KCNB2: variants seen among roughly 807,000 people sequenced by gnomAD.
KCNB2 encodes delayed rectifier potassium channel protein.
Under a neutral mutation model 61.5 loss-of-function variants are expected in KCNB2, and 15 were observed. That is an observed-to-expected ratio of 0.24 (90% CI 0.16 to 0.38). KCNB2 has a LOEUF of 0.38. Among genes scored for constraint, KCNB2 ranks in the 10% least tolerant of loss-of-function variants. The pLI is 1.00. For synonymous variants in KCNB2, 457 were observed against 446.0 expected, an observed-to-expected ratio of 1.02 and a Z score of -0.31; for missense variants, 828 against 1,125.2, an observed-to-expected ratio of 0.74 and a Z score of 3.78.
chr8:72,801,139 G>A (rs757490857), intron 2 of KCNB2, among the ~76,000 whole-genome samples: 2 of 152,144 alleles, frequency 1.3e-5, no homozygotes, highest in African/African-American at 4.8e-5. Flanking sequence ...TTGAGAGGAT[G>A]GGGGCAACAC....
In KCNB2 at chr8:72,833,139, A is replaced by G. The variant is rs1809726199; in HGVS notation, c.580-102796A>G. On this transcript the variant is annotated intron_variant, in intron 2 of 2. Transcript: ENST00000523207. The stretch of plus-strand genomic sequence containing the variant: ...GCTAGAATCAAGAGCATTGAAGGTA[A>G]CGTTGGTTTTGGAAAGCAGAAGGAA... Among the ~76,000 whole-genome samples, 2 of 152,232 alleles carry G rather than the reference A, an allele frequency of 1.3e-5. 1 individual carries two copies. Among genetic ancestry groups the G allele is most frequent in the South Asian group, 4.1e-4 (2 of 4,834 alleles).
At chr8:72,732,594 A>G (rs1374244790) in intron 2 of KCNB2, among the ~76,000 whole-genome samples, 1 of 152,256 alleles carries the variant, frequency 6.6e-6, no homozygotes, top group Non-Finnish European at 1.5e-5. Flanking sequence ...GAAAGTACTT[A>G]GAAGCACCTA....
intron 2 of KCNB2, among the ~76,000 whole-genome samples, chr8:72,799,609 T>C (rs1563388766): frequency 6.6e-6 from 1 of 152,004 alleles, no homozygotes; most frequent in African/African-American, 2.4e-5. Context: ...GACAAGACAA[T>C]GATGTCCATG....
intron 2 of KCNB2, among the ~76,000 whole-genome samples, chr8:72,800,361 C>G (rs2128999472): frequency 6.6e-6 from 1 of 152,306 alleles, no homozygotes; most frequent in South Asian, 2.1e-4. Context: ...AACTACAATT[C>G]ATAAATGTTT....
intron 2 of KCNB2, among the ~76,000 whole-genome samples, chr8:72,909,240 C>T (rs1806236778): frequency 6.6e-6 from 1 of 152,156 alleles, no homozygotes; most frequent in South Asian, 2.1e-4. Flanking sequence ...TCCCAGGTGA[C>T]ACGTGGTCCC....
intron 2 of KCNB2, among the ~76,000 whole-genome samples, chr8:72,657,582 G>A (rs1032200368): frequency 6.6e-6 from 1 of 152,024 alleles, no homozygotes; most frequent in African/African-American, 2.4e-5. Context: ...TCACTTCGAA[G>A]GTACATTTAT....
intron 2 of KCNB2, among the ~76,000 whole-genome samples, chr8:72,791,353 C>T (rs190269474): frequency 5.5e-4 from 83 of 152,126 alleles, no homozygotes; most frequent in Admixed American, 7.9e-4. Flanking sequence ...AGTTTGAGAC[C>T]GGCCTGAGCA....
chr8:72,569,005 C>G lies in KCNB2; in HGVS notation c.579+692C>G, dbSNP rs575065464. ...TAAAATGAAGGTAAATTCATATTTTCCCATTGTGACTGCATATATCTAAAT... is the reference window on the plus strand; with the variant it reads ...TAAAATGAAGGTAAATTCATATTTTGCCATTGTGACTGCATATATCTAAAT... On this transcript the variant is annotated intron_variant, in intron 2 of 2. Coordinates refer to ENST00000523207, the MANE Select transcript of KCNB2 (RefSeq NM_004770.3). 7.5e-4 allele frequency among the ~76,000 whole-genome samples: 114 copies of G among 151,840 alleles called. 1 individual carries two copies. In the Middle Eastern group the frequency reaches 0.017, roughly 23 times the overall value.
At chr8:72,583,557 G>A (rs1043880959) in intron 2 of KCNB2, among the ~76,000 whole-genome samples, 17 of 152,068 alleles carry the variant, frequency 1.1e-4, no homozygotes, top group African/African-American at 4.1e-4. Context: ...CAACCTGTAG[G>A]GCTGTGTAGC....
intron 2 of KCNB2, among the ~76,000 whole-genome samples, chr8:72,759,751 A>T (rs1408684770): frequency 6.6e-6 from 1 of 152,194 alleles, no homozygotes; most frequent in Non-Finnish European, 1.5e-5. Flanking sequence ...CCCAGTTCTG[A>T]ATGGCATCCT....
intron 2 of KCNB2, among the ~76,000 whole-genome samples, chr8:72,930,644 G>A (rs1806761242): frequency 6.6e-6 from 1 of 152,120 alleles, no homozygotes; most frequent in African/African-American, 2.4e-5. Flanking sequence ...TGATGGGGTT[G>A]TTTGTTTTTT....
intron 2 of KCNB2, among the ~76,000 whole-genome samples, chr8:72,574,576 T>C (rs1563527494): frequency 6.6e-6 from 1 of 152,222 alleles, no homozygotes; most frequent in African/African-American, 2.4e-5. Flanking sequence ...AGAGGGCCAG[T>C]CTTAATTTCC....
chr8:72,601,024 G>A (rs1443047715), intron 2 of KCNB2, among the ~76,000 whole-genome samples: 1 of 151,728 alleles, frequency 6.6e-6, no homozygotes, highest in African/African-American at 2.4e-5. Context: ...AATTAAAATG[G>A]TAAGTTCTAC....
Position 72,937,316 on chromosome 8 carries a change from T to C in KCNB2, c.1961T>C (p.Leu654Pro). The C allele has an allele frequency of 1.2e-6, 2 of 1,613,932 alleles. No individual in the cohort carries two copies. The highest frequency in any genetic ancestry group is 1.7e-6 in the Non-Finnish European group (2 of 1,179,976). Residue 654 changes from leucine (L) to proline (P), a missense_variant, in exon 3 of 3, where the codon CTA becomes CCA. This residue lies in a region of KCNB2 where 559 missense variants were observed against 588.4 expected (regional missense o/e 0.95). Coordinates refer to ENST00000523207, the MANE Select transcript of KCNB2 (RefSeq NM_004770.3). ...QRARGPPFLT[L>P]SREKGPAARD... ...GCTAGGGGCCCCCCGTTTCTAACTC[T>C]ATCCAGAGAGAAAGGACCTGCTGCC...
intron 1 of KCNB2, among the ~76,000 whole-genome samples, chr8:72,557,457 C>T (rs575980586): frequency 6.6e-6 from 1 of 152,304 alleles, no homozygotes; most frequent in South Asian, 2.1e-4. Flanking sequence ...AAGAGACCCT[C>T]ACCAGACATG....
intron 1 of KCNB2, among the ~76,000 whole-genome samples, chr8:72,565,890 A>G (rs1033438853): frequency 6.6e-6 from 1 of 152,218 alleles, no homozygotes; most frequent in South Asian, 2.1e-4. Context: ...TGGTGATAGG[A>G]ATGTAATAAT....
chr8:72,812,703 A>G (rs977496104), intron 2 of KCNB2, among the ~76,000 whole-genome samples: 1 of 152,242 alleles, frequency 6.6e-6, no homozygotes, highest in South Asian at 2.1e-4. Flanking sequence ...AAATAGTCTA[A>G]TATCAATCCA....
chr8:72,842,191 T>A (rs11986938), intron 2 of KCNB2, among the ~76,000 whole-genome samples: 22,934 of 152,164 alleles, frequency 0.15, 2,363 homozygotes, highest in African/African-American at 0.29. Flanking sequence ...ATTGAGATAA[T>A]CATGTGGTTT....
chr8:72,645,287 C>T (rs771979836), intron 2 of KCNB2, among the ~76,000 whole-genome samples: 7 of 152,066 alleles, frequency 4.6e-5, no homozygotes, highest in South Asian at 2.1e-4. Flanking sequence ...AGGTCTGTAC[C>T]GCTTGTCATT....
Sources: gnomAD v4.1 joint callset for allele counts (sites outside exome capture counted in the v4.1 genomes callset) on GRCh38, gnomAD v4.1.1 for gene constraint, gnomAD v4.1.1 regional missense constraint, MANE v1.5 for transcripts, NCBI Gene and HGNC (gene_info 2026-07-23, HGNC 2026-07-21) for gene names.